The following GHR variants were observed in gnomAD, a reference collection of about 807,000 sequenced individuals.
GHR encodes the protein GH receptor.
Under a neutral mutation model 67.1 loss-of-function variants are expected in GHR, and 35 were observed. That is an observed-to-expected ratio of 0.52 (90% CI 0.40 to 0.69). The LOEUF (loss-of-function observed/expected upper bound fraction) is 0.69. Among genes scored for constraint, GHR ranks in the 30% least tolerant of loss-of-function variants. The pLI, the probability that GHR is intolerant of heterozygous loss-of-function variation, is 0.00. For missense variants in GHR, 792 were observed against 764.6 expected (o/e 1.04, Z -0.42); for synonymous variants, 272 against 269.1 (o/e 1.01, Z -0.10).
At chr5:42,556,507 G>A (rs1749317298) in intron 1 of GHR, among the ~76,000 whole-genome samples, 1 of 152,108 alleles carries the variant, frequency 6.6e-6, no homozygotes, top group Admixed American at 6.6e-5. Context: ...TCAGATTTTA[G>A]AATGAGCCAC....
chr5:42,634,386 T>G (rs1754068908), intron 3 of GHR, among the ~76,000 whole-genome samples: 1 of 151,812 alleles, frequency 6.6e-6, no homozygotes, highest in Non-Finnish European at 1.5e-5. Context: ...CCAAATGTAG[T>G]GCTTTTTGCA....
chr5:42,719,276 TG>T lies in GHR; in HGVS notation c.1770del (p.Met590IlefsTer11). The T allele has an allele frequency of 6.2e-7, 1 of 1,614,128 alleles. No homozygotes were observed. The highest frequency in any genetic ancestry group is 1.3e-5 in the African/African-American group (1 of 75,026). The stretch of plus-strand genomic sequence containing the variant: ...GGAGAACATGTTCCAGGTTCTGAGA[TG>T]CCTGTCCCAGACTATACCTCCATTC... ...GTGEHVPGSE[M>X]PVPDYTSIHI... is the part of the protein sequence containing the mutation. On this transcript the variant is annotated frameshift_variant, in exon 10 of 10. Transcript: ENST00000230882. LOFTEE classifies it high-confidence loss of function.
chr5:42,475,945 A>AC (rs370589775), intron 1 of GHR, among the ~76,000 whole-genome samples: 303 of 149,658 alleles, frequency 2.0e-3, no homozygotes, highest in Non-Finnish European at 2.9e-3. Context: ...TCGCTCTGTC[A>AC]CCAGGCTGGA....
At chr5:42,593,681 A>G (rs529866039) in intron 2 of GHR, among the ~76,000 whole-genome samples, 1 of 152,330 alleles carries the variant, frequency 6.6e-6, no homozygotes, top group African/African-American at 2.4e-5. Flanking sequence ...CTGAGAGATC[A>G]TACACATTTT....
intron 2 of GHR, among the ~76,000 whole-genome samples, chr5:42,594,108 T>A (rs906499098): frequency 9.2e-5 from 14 of 152,232 alleles, no homozygotes; most frequent in African/African-American, 3.1e-4. Context: ...CAACAGTTTG[T>A]CAGCAATGTA....
At chr5:42,587,920 C>T (rs1580000889) in intron 2 of GHR, among the ~76,000 whole-genome samples, 1 of 152,120 alleles carries the variant, frequency 6.6e-6, no homozygotes, top group Non-Finnish European at 1.5e-5. Flanking sequence ...GAGTTATAAT[C>T]GCCCAGGAAG....
chr5:42,462,156 C>A (rs1366697849), intron 1 of GHR, among the ~76,000 whole-genome samples: 1 of 152,164 alleles, frequency 6.6e-6, no homozygotes, highest in Non-Finnish European at 1.5e-5. Flanking sequence ...CACATATAGA[C>A]ACCGAATTTA....
intron 6 of GHR, among the ~76,000 whole-genome samples, chr5:42,708,605 GGAGTCCT>G (rs1314655412): frequency 6.6e-6 from 1 of 151,896 alleles, no homozygotes; most frequent in Non-Finnish European, 1.5e-5. Context: ...AGAGTGTAAA[GGAGTCCT>G]GAAATAAAAA....
chr5:42,479,055 T>C (rs1010021114), intron 1 of GHR, among the ~76,000 whole-genome samples: 2 of 152,230 alleles, frequency 1.3e-5, no homozygotes, highest in Admixed American at 6.5e-5. Flanking sequence ...TTGAGATATG[T>C]CCCATCATTA....
chr5:42,675,890 A>G (rs1179666097), intron 3 of GHR, among the ~76,000 whole-genome samples: 1 of 152,222 alleles, frequency 6.6e-6, no homozygotes, highest in African/African-American at 2.4e-5. Context: ...TGGTAACTGG[A>G]AATGTAGACT....
In GHR at chr5:42,610,793, TG is replaced by T. The variant is rs1447068553; in HGVS notation, c.71-18241del. 2.6e-5 allele frequency among the ~76,000 whole-genome samples: 4 copies of T among 152,262 alleles called. No individual in the cohort carries two copies. In the East Asian group the frequency reaches 7.7e-4, roughly 29 times the overall value. On this transcript the variant is annotated intron_variant, in intron 2 of 9. Coordinates refer to ENST00000230882, the MANE Select transcript of GHR (RefSeq NM_000163.5). The stretch of plus-strand genomic sequence containing the variant: ...GCCAAGAAAGTTTTGGCAAGGCTGA[TG>T]GGGAGTCTTCAAACCAAAGTCACTT...
intron 1 of GHR, among the ~76,000 whole-genome samples, chr5:42,435,962 C>T (rs1743305846): frequency 6.6e-6 from 1 of 152,188 alleles, no homozygotes; most frequent in South Asian, 2.1e-4. Context: ...AAGTTTTACT[C>T]AGCGTACATA....
intron 1 of GHR, among the ~76,000 whole-genome samples, chr5:42,542,094 A>G (rs1485624603): frequency 6.6e-6 from 1 of 152,208 alleles, no homozygotes; most frequent in East Asian, 1.9e-4. Context: ...GGGAATAACT[A>G]TAGAGAAAAG....
intron 1 of GHR, among the ~76,000 whole-genome samples, chr5:42,476,653 T>C (rs999760998): frequency 3.3e-5 from 5 of 152,250 alleles, no homozygotes; most frequent in Non-Finnish European, 5.9e-5. Context: ...TACTACTTTA[T>C]GTAATTATAA....
chr5:42,514,519 C>A (rs943388243), intron 1 of GHR, among the ~76,000 whole-genome samples: 1 of 151,188 alleles, frequency 6.6e-6, no homozygotes, highest in Non-Finnish European at 1.5e-5. Context: ...ACCCTATAAC[C>A]AATATAAATG....
intron 1 of GHR, among the ~76,000 whole-genome samples, chr5:42,507,360 T>A (rs1746822911): frequency 6.6e-6 from 1 of 152,224 alleles, no homozygotes; most frequent in South Asian, 2.1e-4. Flanking sequence ...AATTAAGAAA[T>A]CCTATCTCTA....
chr5:42,617,821 C>T (rs1753242187), intron 2 of GHR, among the ~76,000 whole-genome samples: 1 of 152,052 alleles, frequency 6.6e-6, no homozygotes, highest in Non-Finnish European at 1.5e-5. Context: ...GTCATATTGT[C>T]ATCACATTAA....
chr5:42,442,973 T>G (rs1446381832), intron 1 of GHR, among the ~76,000 whole-genome samples: 3 of 152,200 alleles, frequency 2.0e-5, no homozygotes, highest in Non-Finnish European at 4.4e-5. Context: ...ACCAATTACC[T>G]AGGGACCAGA....
chr5:42,493,732 C>G (rs1004890251), intron 1 of GHR, among the ~76,000 whole-genome samples: 1 of 152,106 alleles, frequency 6.6e-6, no homozygotes, highest in Non-Finnish European at 1.5e-5. Flanking sequence ...CATTTTTACA[C>G]GTTTAGGCCT....
Sources: gnomAD v4.1 joint callset for allele counts (sites outside exome capture counted in the v4.1 genomes callset) on GRCh38, gnomAD v4.1.1 for gene constraint, MANE v1.5 for transcripts, NCBI Gene and HGNC (gene_info 2026-07-23, HGNC 2026-07-21) for gene names.